Variants in TFB2M observed in about 807,000 individuals in gnomAD.
TFB2M encodes the protein transcription factor B2, mitochondrial.
In TFB2M, 44 loss-of-function variants were observed where a neutral mutation model predicts 41.3. The observed-to-expected ratio is 1.07, with a 90% CI of 0.84 to 1.37. TFB2M has a LOEUF of 1.37. Among genes scored for constraint, TFB2M ranks in the 40% most tolerant of loss-of-function variants. TFB2M has a pLI of 0.00. For synonymous variants in TFB2M, 188 were observed against 176.8 expected (o/e 1.06, Z -0.50); for missense variants, 496 against 490.2 (o/e 1.01, Z -0.11).
rs759446921 is a variant in TFB2M at position 246,565,880 on chromosome 1, T to C, written c.259A>G (p.Ile87Val). The part of the protein sequence containing the change: ...DRRLAETLAQ[I>V]YLGKPSRPPH... Reference sequence around the variant, plus strand: ...GGTCTACTTGGTTTTCCCAAATAGATTTGCGCCAGGGTCTCAGCCAATCTC... The same window carrying C: ...GGTCTACTTGGTTTTCCCAAATAGACTTGCGCCAGGGTCTCAGCCAATCTC... The change falls in exon 1 of 8, where the codon ATC (isoleucine) becomes GTC (valine). Residue 87 changes from isoleucine (I) to valine (V), a missense_variant. Physicochemically the swap from Ile to Val is conservative, Grantham distance 29. Transcript: ENST00000366514. 1.7e-5 allele frequency: 28 copies of C among 1,610,258 alleles called. No homozygotes were observed. In the Admixed American group the frequency reaches 4.7e-4, roughly 27 times the overall value.
chr1:246,550,200 T>A (rs1413121298), intron 5 of TFB2M, among the ~76,000 whole-genome samples: 2 of 152,146 alleles, frequency 1.3e-5, no homozygotes, highest in African/African-American at 2.4e-5. Context: ...GACAGAAGAC[T>A]TGAGATGAAA....
At chr1:246,562,785 G>A (rs1361389377) in intron 2 of TFB2M, among the ~76,000 whole-genome samples, 3 of 152,020 alleles carry the variant, frequency 2.0e-5, no homozygotes, top group Non-Finnish European at 4.4e-5. Context: ...TCAGCCTCCC[G>A]AGTAGCTGGG....
intron 4 of TFB2M, among the ~76,000 whole-genome samples, chr1:246,555,279 T>C (rs919071610): frequency 1.3e-5 from 2 of 152,162 alleles, no homozygotes; most frequent in Non-Finnish European, 2.9e-5. Flanking sequence ...ACAAACAGTA[T>C]GGCAGTTCCT....
Position 246,566,158 on chromosome 1 carries a change from G to GC in TFB2M, c.-21dup. ...CCACATGTCCTTGTCTCTCAGGCCC[G>GC]CTCCAAGAATCACCTAGTGCAGCTA... On this transcript the variant is annotated 5_prime_UTR_variant, in exon 1 of 8. Transcript: ENST00000366514. 6.3e-7 allele frequency: 1 copy of GC among 1,593,462 alleles called. No individual in the cohort carries two copies. Among genetic ancestry groups the GC allele is most frequent in the Non-Finnish European group, 8.6e-7 (1 of 1,165,914 alleles).
chr1:246,557,136 G>A (rs957874480), intron 3 of TFB2M, among the ~76,000 whole-genome samples: 6 of 152,030 alleles, frequency 3.9e-5, no homozygotes, highest in Non-Finnish European at 7.4e-5. Context: ...ATAACCAGGT[G>A]TGGTGACACA....
chr1:246,556,369 A>T (rs1659320596), intron 4 of TFB2M, among the ~76,000 whole-genome samples: 2 of 152,182 alleles, frequency 1.3e-5, no homozygotes, highest in South Asian at 4.1e-4. Context: ...AGATGATGGT[A>T]ATGGCTGTAC....
chr1:246,548,457 A>G, intron 6 of TFB2M, 88 bp downstream of exon 6: 1 of 1,113,396 alleles, frequency 9.0e-7, no homozygotes, highest in Non-Finnish European at 1.3e-6. Flanking sequence ...TAAAAAGTTA[A>G]ATACAGACTA....
At chr1:246,549,909 C>T (rs11799569) in intron 5 of TFB2M, among the ~76,000 whole-genome samples, 44,498 of 152,058 alleles carry the variant, frequency 0.29, 7,188 homozygotes, top group East Asian at 0.66. Flanking sequence ...CACGCCTGGT[C>T]GAGCCTCAAC....
intron 4 of TFB2M, among the ~76,000 whole-genome samples, chr1:246,553,454 GA>G (rs1349312819): frequency 1.3e-4 from 20 of 152,212 alleles, no homozygotes; most frequent in African/African-American, 4.8e-4. Context: ...AGGATCACTT[GA>G]ACCCAGAAGT....
intron 6 of TFB2M, among the ~76,000 whole-genome samples, chr1:246,547,101 A>G (rs1391462171): frequency 6.6e-6 from 1 of 151,128 alleles, no homozygotes; most frequent in African/African-American, 2.4e-5. Context: ...CTCCCACCTC[A>G]GCCTCCTGAG....
intron 2 of TFB2M, among the ~76,000 whole-genome samples, chr1:246,562,502 A>C (rs374908404): frequency 1.9e-4 from 29 of 152,344 alleles, no homozygotes; most frequent in East Asian, 5.8e-4. Flanking sequence ...GAGTGTCAAC[A>C]TGAAGCCAAA....
At chr1:246,544,483 G>T in intron 7 of TFB2M, 38 bp downstream of exon 7, 1 of 1,534,922 alleles carries the variant, frequency 6.5e-7, no homozygotes, top group Non-Finnish European at 8.8e-7. Flanking sequence ...TTTGTGCATC[G>T]TTGCTACTTT....
At chr1:246,549,966 G>A (rs998443368) in intron 5 of TFB2M, among the ~76,000 whole-genome samples, 1 of 152,184 alleles carries the variant, frequency 6.6e-6, no homozygotes, top group Non-Finnish European at 1.5e-5. Flanking sequence ...GCAAGACACT[G>A]GGAATTGACT....
In TFB2M at chr1:246,549,504, C is replaced by G. The variant is rs371411848; in HGVS notation, c.796-897G>C. 2.0e-5 allele frequency among the ~76,000 whole-genome samples: 3 copies of G among 152,232 alleles called. No homozygotes were observed. In the East Asian group the frequency reaches 5.8e-4, roughly 29 times the overall value. ...GGCTGAGGCGGGAGGATTGCTTAAG[C>G]CTGGGAGGCGGAGGTTGCAGTGAGC... On this transcript the variant is annotated intron_variant, in intron 5 of 7. Transcript: ENST00000366514.
intron 2 of TFB2M, 128 bp from the exon 3 acceptor site, chr1:246,557,662 T>G (rs553046605): frequency 1.2e-6 from 1 of 833,444 alleles, no homozygotes; most frequent in Non-Finnish European, 1.8e-6. Context: ...TTACCTGGGG[T>G]TTTTTTGTTT....
intron 2 of TFB2M, among the ~76,000 whole-genome samples, chr1:246,562,667 T>TA (rs1659485237): frequency 6.6e-6 from 1 of 152,116 alleles, no homozygotes; most frequent in African/African-American, 2.4e-5. Context: ...GGAACTTTTT[T>TA]TTTTTTTTGA....
Position 246,544,693 on chromosome 1 carries a change from A to T in TFB2M, c.859-12T>A. The T allele has an allele frequency of 6.3e-7, 1 of 1,578,428 alleles. No individual in the cohort carries two copies. Among genetic ancestry groups the T allele is most frequent in the Non-Finnish European group, 8.5e-7 (1 of 1,169,606 alleles). On this transcript the variant is annotated splice_polypyrimidine_tract_variant and intron_variant, in intron 6 of 7. Coordinates refer to ENST00000366514, the MANE Select transcript of TFB2M (RefSeq NM_022366.3). ...TGGTCTAATAATTCCTGGAGAGAAG[A>T]AAAAATGAATTGCATTAGTCACAAA...
chr1:246,555,667 C>T (rs543084066), intron 4 of TFB2M, among the ~76,000 whole-genome samples: 86 of 152,298 alleles, frequency 5.6e-4, no homozygotes, highest in African/African-American at 2.0e-3. Flanking sequence ...TCTAGCTGTA[C>T]ACTCAAAGGA....
intron 1 of TFB2M, among the ~76,000 whole-genome samples, 170 bp downstream of exon 1, chr1:246,565,656 G>A (rs1233770033): frequency 6.6e-6 from 1 of 152,186 alleles, no homozygotes; most frequent in Non-Finnish European, 1.5e-5. Flanking sequence ...AGGTTGCAGG[G>A]AGCCGAGATC....
Sources: gnomAD v4.1 joint callset for allele counts (sites outside exome capture counted in the v4.1 genomes callset) on GRCh38, gnomAD v4.1.1 for gene constraint, MANE v1.5 for transcripts, NCBI Gene and HGNC (gene_info 2026-07-23, HGNC 2026-07-21) for gene names.